Variants in STPG2 observed in about 807,000 individuals in gnomAD.
The protein encoded by STPG2 is sperm tail PG-rich repeat containing 2.
In STPG2, 56 loss-of-function variants were observed where a neutral mutation model predicts 54.2. The ratio of observed to expected loss-of-function variants is 1.03; its 90% CI spans 0.83 to 1.29. STPG2 has a LOEUF of 1.29. Ranked by LOEUF, STPG2 falls within the 50% of genes most tolerant of loss-of-function variation. STPG2 has a pLI of 0.00. For missense variants in STPG2, 596 were observed against 544.9 expected (o/e 1.09, Z -0.93); for synonymous variants, 200 against 181.8 (o/e 1.10, Z -0.81).
At chr4:97,592,457 T>A (rs1301263687) in intron 10 of STPG2, among the ~76,000 whole-genome samples, 4 of 152,186 alleles carry the variant, frequency 2.6e-5, no homozygotes, top group Non-Finnish European at 5.9e-5. Context: ...ACTTTTATTA[T>A]GAAAATTTTA....
At chr4:97,795,304 G>A (rs886153546) in intron 9 of STPG2, among the ~76,000 whole-genome samples, 3 of 152,000 alleles carry the variant, frequency 2.0e-5, no homozygotes, top group Non-Finnish European at 2.9e-5. Flanking sequence ...CCAATAACTC[G>A]TCATTTACAT....
intron 4 of STPG2, among the ~76,000 whole-genome samples, chr4:97,474,916 A>G (rs894334655): frequency 6.6e-6 from 1 of 152,110 alleles, no homozygotes; most frequent in Non-Finnish European, 1.5e-5. Context: ...GGCATTATGT[A>G]GTATATATAA....
intron 8 of STPG2, among the ~76,000 whole-genome samples, chr4:97,939,463 GC>G (rs1387935432): frequency 1.3e-5 from 2 of 152,132 alleles, no homozygotes; most frequent in African/African-American, 4.8e-5. Flanking sequence ...CTAAGAATGT[GC>G]TTTATAAATC....
intron 9 of STPG2, among the ~76,000 whole-genome samples, chr4:97,785,849 A>G (rs886592433): frequency 1.3e-5 from 2 of 151,968 alleles, no homozygotes; most frequent in African/African-American, 4.8e-5. Context: ...CAAAAAAAAA[A>G]CTATATGAGT....
intron 8 of STPG2, among the ~76,000 whole-genome samples, chr4:97,904,414 T>G (rs945283815): frequency 3.3e-5 from 5 of 152,102 alleles, no homozygotes; most frequent in Non-Finnish European, 7.3e-5. Flanking sequence ...AAAGGAAAAC[T>G]AACAAACAGA....
intron 5 of STPG2, among the ~76,000 whole-genome samples, chr4:97,991,826 T>A (rs1018734026): frequency 1.3e-5 from 2 of 152,184 alleles, no homozygotes; most frequent in Non-Finnish European, 2.9e-5. Flanking sequence ...TGTCACATTG[T>A]GATTTTTATT....
chr4:97,475,022 AT>A, intron 4 of STPG2, among the ~76,000 whole-genome samples: 1 of 152,218 alleles, frequency 6.6e-6, no homozygotes, highest in South Asian at 2.1e-4. Context: ...CTATTAGCAT[AT>A]TTTTTGTTAA....
At chr4:97,779,022 C>T (rs1033653367) in intron 9 of STPG2, among the ~76,000 whole-genome samples, 1 of 152,160 alleles carries the variant, frequency 6.6e-6, no homozygotes, top group Non-Finnish European at 1.5e-5. Flanking sequence ...AAAATCAGAG[C>T]ACCTCCTCCC....
intron 7 of STPG2, 114 bp downstream of exon 7, chr4:97,972,166 G>T: frequency 3.0e-6 from 2 of 656,718 alleles, no homozygotes; most frequent in South Asian, 4.1e-5. Flanking sequence ...TATGGAACAT[G>T]GTTATAATAA....
At chr4:98,038,555 A>G (rs1448596840) in intron 5 of STPG2, among the ~76,000 whole-genome samples, 1 of 152,074 alleles carries the variant, frequency 6.6e-6, no homozygotes, top group Non-Finnish European at 1.5e-5. Flanking sequence ...TCCCATGCAC[A>G]CAAAAAAAAG....
At chr4:97,621,560 C>A (rs1329047725) in intron 10 of STPG2, among the ~76,000 whole-genome samples, 1 of 152,070 alleles carries the variant, frequency 6.6e-6, no homozygotes, top group Non-Finnish European at 1.5e-5. Flanking sequence ...CACATACAAC[C>A]TACCAAGACT....
At chr4:97,653,164 C>T (rs1430719844) in intron 10 of STPG2, among the ~76,000 whole-genome samples, 1 of 151,780 alleles carries the variant, frequency 6.6e-6, no homozygotes, top group Non-Finnish European at 1.5e-5. Context: ...CTTCTATAGG[C>T]AGGTATTATG....
At chr4:97,550,467 G>A (rs1279778811) in intron 4 of STPG2, among the ~76,000 whole-genome samples, 1 of 152,064 alleles carries the variant, frequency 6.6e-6, no homozygotes, top group Non-Finnish European at 1.5e-5. Context: ...GGGAAGAGTG[G>A]TTTGGGCTTA....
At chr4:97,684,960 A>G (rs554769529) in intron 10 of STPG2, among the ~76,000 whole-genome samples, 3 of 152,188 alleles carry the variant, frequency 2.0e-5, no homozygotes, top group Admixed American at 2.0e-4. Flanking sequence ...GCAAGTAAGC[A>G]TATAAAAAGA....
intron 5 of STPG2, among the ~76,000 whole-genome samples, chr4:98,075,296 A>G (rs1738126880): frequency 6.6e-6 from 1 of 152,210 alleles, no homozygotes; most frequent in Non-Finnish European, 1.5e-5. Flanking sequence ...CCAAGGGGAA[A>G]AGCAGCACAG....
chr4:97,458,615 T>C (rs868546455), intron 4 of STPG2, among the ~76,000 whole-genome samples: 1 of 152,138 alleles, frequency 6.6e-6, no homozygotes, highest in African/African-American at 2.4e-5. Flanking sequence ...AGTAACTAAA[T>C]ATATTTTTCC....
chr4:97,806,185 C>T (rs1288038459), intron 9 of STPG2, among the ~76,000 whole-genome samples: 1 of 152,076 alleles, frequency 6.6e-6, no homozygotes, highest in Non-Finnish European at 1.5e-5. Flanking sequence ...ACTATGCAGC[C>T]ATAAAAAAGA....
At chr4:98,049,483 A>G (rs1221240250) in intron 5 of STPG2, among the ~76,000 whole-genome samples, 1 of 152,216 alleles carries the variant, frequency 6.6e-6, no homozygotes. Context: ...ACTATCAAAA[A>G]CAGAACATAT....
In STPG2 at chr4:98,040,897, G is replaced by A. The variant is rs543335162; in HGVS notation, c.613-59579C>T. On this transcript the variant is annotated intron_variant, in intron 5 of 10. Coordinates refer to ENST00000295268, the MANE Select transcript of STPG2 (RefSeq NM_174952.3). ...TTTTGACAGGAATTGCATTAAATCT[G>A]TAGACTGCTTTAAGAATCAACATTG... Among the ~76,000 whole-genome samples the A allele has an allele frequency of 2.0e-4, 31 of 151,598 alleles. No homozygotes were observed. In the East Asian group the frequency reaches 2.3e-3, roughly 11 times the overall value.
Sources: gnomAD v4.1 joint callset for allele counts (sites outside exome capture counted in the v4.1 genomes callset) on GRCh38, gnomAD v4.1.1 for gene constraint, MANE v1.5 for transcripts, NCBI Gene and HGNC (gene_info 2026-07-23, HGNC 2026-07-21) for gene names.